Variants in ERO1B observed in about 807,000 individuals in gnomAD.
ERO1B encodes ERO1-like protein beta.
In ERO1B, 49 loss-of-function variants were observed where a neutral mutation model predicts 75.3. The observed-to-expected ratio is 0.65, with a 90% confidence interval of 0.52 to 0.83. ERO1B has a LOEUF of 0.83. ERO1B is among the 40% of genes least tolerant of loss of function. The pLI, the probability that ERO1B is intolerant of heterozygous loss-of-function variation, is 0.00. For synonymous variants in ERO1B, 191 were observed against 192.9 expected (o/e 0.99, Z 0.08); for missense variants, 512 against 560.1 (o/e 0.91, Z 0.87).
At chr1:236,252,783 T>C (rs1467983673) in intron 3 of ERO1B, among the ~76,000 whole-genome samples, 3 of 152,130 alleles carry the variant, frequency 2.0e-5, no homozygotes, top group Non-Finnish European at 4.4e-5. Flanking sequence ...GGAAGGACAT[T>C]GGTACAGATT....
chr1:236,249,812 T>C (rs898928545), intron 5 of ERO1B, 73 bp downstream of exon 5: 13 of 1,192,150 alleles, frequency 1.1e-5, no homozygotes, highest in Non-Finnish European at 1.5e-5. Context: ...GAAAATGTTT[T>C]ACCAAAATCA....
At chr1:236,273,498 C>T (rs919032936) in intron 1 of ERO1B, among the ~76,000 whole-genome samples, 1 of 152,104 alleles carries the variant, frequency 6.6e-6, no homozygotes, top group African/African-American at 2.4e-5. Flanking sequence ...TGTTTCTGGG[C>T]ACATATTCTG....
intron 13 of ERO1B, among the ~76,000 whole-genome samples, chr1:236,222,381 G>A (rs1664172797): frequency 6.6e-6 from 1 of 152,138 alleles, no homozygotes; most frequent in Non-Finnish European, 1.5e-5. Context: ...CCAAAGTGCT[G>A]GGATTACGGT....
At position 236,273,683 on chromosome 1, in the gene ERO1B, G is replaced by A. The variant is rs576301984; in HGVS notation, c.103-3689C>T. On this transcript the variant is annotated intron_variant, in intron 1 of 15. Coordinates refer to ENST00000354619, the MANE Select transcript of ERO1B (RefSeq NM_019891.4). ...TAGCCAGGTCTGGTGGTGAGCATCT[G>A]TAGTCCCAGCTACTCAAGAGGCTGA... 1.3e-4 allele frequency among the ~76,000 whole-genome samples: 20 copies of A among 152,038 alleles called. No homozygotes were observed. In the East Asian group the frequency reaches 1.4e-3, roughly 10 times the overall value.
intron 6 of ERO1B, among the ~76,000 whole-genome samples, chr1:236,239,525 GT>G (rs199778133): frequency 0.014 from 2,078 of 152,106 alleles, 33 homozygotes; most frequent in African/African-American, 0.045. Flanking sequence ...TACAGGCCAA[GT>G]TCTCTACAAA....
chr1:236,247,817 T>C (rs1664921530), intron 5 of ERO1B, among the ~76,000 whole-genome samples: 2 of 152,204 alleles, frequency 1.3e-5, no homozygotes, highest in Non-Finnish European at 2.9e-5. Flanking sequence ...GATCCTGCCA[T>C]GGGGGTTTTC....
At chr1:236,254,262 A>G (rs752418173) in intron 2 of ERO1B, among the ~76,000 whole-genome samples, 1 of 152,220 alleles carries the variant, frequency 6.6e-6, no homozygotes, top group Non-Finnish European at 1.5e-5. Context: ...GCCAAAATCT[A>G]GGTTTTATTC....
Position 236,226,690 on chromosome 1 carries a change from A to C in ERO1B, c.762T>G (p.His254Gln), listed in dbSNP as rs747024139. The C allele has an allele frequency of 6.2e-7, 1 of 1,613,078 alleles. No homozygotes were observed. Among genetic ancestry groups the C allele is most frequent in the Non-Finnish European group, 8.5e-7 (1 of 1,179,790 alleles). Residue 254 changes from histidine (H) to glutamine (Q), a missense_variant, in exon 11 of 16, where the codon CAT (histidine) becomes CAG (glutamine). Physicochemically the swap from His to Gln is conservative, Grantham distance 24. Transcript: ENST00000354619. ...RVFYKLISGL[H>Q]ASINLHLCAN... is the part of the protein sequence containing the mutation. ...CGCATAGATGTAAATTGATGCTAGC[A>C]TGAAGTCCCGATATAAGCTTATAGA...
chr1:236,249,023 ATC>A (rs1664952251), intron 5 of ERO1B, among the ~76,000 whole-genome samples: 1 of 126,442 alleles, frequency 7.9e-6, no homozygotes, highest in African/African-American at 2.7e-5. Context: ...ATAAATACAA[ATC>A]TTTTTTTTTT....
intron 1 of ERO1B, among the ~76,000 whole-genome samples, chr1:236,274,601 A>T (rs988724433): frequency 6.6e-6 from 1 of 152,176 alleles, no homozygotes; most frequent in Non-Finnish European, 1.5e-5. Flanking sequence ...TTTAATATTT[A>T]TTATCCCATT....
At chr1:236,223,313 T>C (rs1029122599) in intron 13 of ERO1B, among the ~76,000 whole-genome samples, 1 of 151,852 alleles carries the variant, frequency 6.6e-6, no homozygotes, top group African/African-American at 2.4e-5. Flanking sequence ...TATCTGCGGA[T>C]AAGATTGGTT....
At chr1:236,251,372 T>C (rs1277078685) in intron 4 of ERO1B, 1 of 365,568 alleles carries the variant, frequency 2.7e-6, no homozygotes, top group Middle Eastern at 1.4e-3. Context: ...TAGAACGAAC[T>C]GGGAAATGGC....
In ERO1B at chr1:236,220,976, T is replaced by C; in HGVS notation, c.1210-11A>G. 8 of 1,506,988 alleles carry C rather than the reference T, an allele frequency of 5.3e-6. No homozygotes were observed. Among genetic ancestry groups the C allele is most frequent in the Non-Finnish European group, 7.1e-6 (8 of 1,131,594 alleles). 93.4% of individuals were successfully genotyped at this position (1,506,988 alleles called of 1,614,324 possible). On this transcript the variant is annotated splice_polypyrimidine_tract_variant and intron_variant, in intron 14 of 15. Coordinates refer to ENST00000354619, the MANE Select transcript of ERO1B (RefSeq NM_019891.4). The stretch of plus-strand genomic sequence containing the variant: ...TCCTAAACCCTGAGTCTAAAGAAAA[T>C]AGCAATAAACTCATAATTAACTTTA...
intron 9 of ERO1B, 66 bp from the exon 10 acceptor site, chr1:236,230,316 T>A: frequency 7.2e-7 from 1 of 1,390,508 alleles, no homozygotes; most frequent in Non-Finnish European, 1.0e-6. Flanking sequence ...TAAATTAGGT[T>A]TATAAAATCT....
At chr1:236,251,833 C>T (rs1665037525) in intron 4 of ERO1B, among the ~76,000 whole-genome samples, 1 of 152,098 alleles carries the variant, frequency 6.6e-6, no homozygotes, top group Admixed American at 6.6e-5. Context: ...ATAGTTGTTC[C>T]AGAGATTCCA....
At chr1:236,235,981 G>A (rs1171326818) in intron 7 of ERO1B, 146 bp from the exon 8 acceptor site, 5 of 734,066 alleles carry the variant, frequency 6.8e-6, no homozygotes, top group Non-Finnish European at 1.1e-5. Context: ...CTGGAGTACA[G>A]TGGCGCAATC....
At chr1:236,222,126 T>C in intron 13 of ERO1B, 116 bp from the exon 14 acceptor site, 1 of 842,282 alleles carries the variant, frequency 1.2e-6, no homozygotes, top group South Asian at 1.6e-5. Flanking sequence ...TTTTGTTTGT[T>C]TGAGAAGGAG....
At chr1:236,261,589 G>A (rs535001705) in intron 2 of ERO1B, among the ~76,000 whole-genome samples, 1 of 152,160 alleles carries the variant, frequency 6.6e-6, no homozygotes, top group Admixed American at 6.5e-5. Context: ...TAACCAAGGA[G>A]GTGAAAGATC....
intron 2 of ERO1B, among the ~76,000 whole-genome samples, chr1:236,258,581 G>C (rs1665220791): frequency 6.6e-6 from 1 of 152,064 alleles, no homozygotes; most frequent in Non-Finnish European, 1.5e-5. Context: ...CTGCCAACTA[G>C]CAATATTAAA....
Sources: gnomAD v4.1 joint callset for allele counts (sites outside exome capture counted in the v4.1 genomes callset) on GRCh38, gnomAD v4.1.1 for gene constraint, MANE v1.5 for transcripts, NCBI Gene and HGNC (gene_info 2026-07-23, HGNC 2026-07-21) for gene names.